Variants in WWOX observed in about 807,000 individuals in gnomAD.
WWOX encodes the protein WW domain-containing oxidoreductase.
A neutral mutation model predicts 46.2 loss-of-function variants in WWOX; 69 were observed. The ratio of observed to expected loss-of-function variants is 1.49; its 90% confidence interval spans 1.23 to 1.82. The LOEUF (loss-of-function observed/expected upper bound fraction) is 1.82, where lower values mean the gene tolerates loss of function less well. WWOX is among the 40% of genes most tolerant of loss of function. WWOX has a pLI of 0.00. For missense variants in WWOX, 919 were observed against 542.6 expected (o/e 1.69, Z -6.89); for synonymous variants, 359 against 202.6 (o/e 1.77, Z -6.56).
At chr16:78,461,370 C>A (rs1439079149) in intron 8 of WWOX, among the ~76,000 whole-genome samples, 1 of 148,788 alleles carries the variant, frequency 6.7e-6, no homozygotes, top group Admixed American at 6.6e-5. Context: ...GGAGAAAAAA[C>A]AAACAAACAA....
At chr16:78,858,277 G>C (rs1381413813) in intron 8 of WWOX, among the ~76,000 whole-genome samples, 4 of 149,652 alleles carry the variant, frequency 2.7e-5, no homozygotes, top group African/African-American at 9.9e-5. Context: ...TCAGATTTCA[G>C]TGTACCCATC....
At chr16:78,291,204 A>G (rs1355327183) in intron 5 of WWOX, among the ~76,000 whole-genome samples, 1 of 152,202 alleles carries the variant, frequency 6.6e-6, no homozygotes, top group Non-Finnish European at 1.5e-5. Flanking sequence ...TTGAAGAAAT[A>G]TTCATAAAAT....
chr16:78,634,835 AGAGTGTGTGT>A (rs767162501), intron 8 of WWOX, among the ~76,000 whole-genome samples: 19,239 of 126,792 alleles, frequency 0.15, 1,216 homozygotes, highest in Middle Eastern at 0.17. Flanking sequence ...AGAGAGAGAG[AGAGTGTGTGT>A]GTGTGTGTGT....
At chr16:78,571,577 C>G (rs553144596) in intron 8 of WWOX, among the ~76,000 whole-genome samples, 12 of 152,124 alleles carry the variant, frequency 7.9e-5, no homozygotes, top group African/African-American at 2.9e-4. Context: ...CAGTTAGAGG[C>G]GTTGCAGTTG....
chr16:78,888,052 C>G (rs562162509), intron 8 of WWOX, among the ~76,000 whole-genome samples: 19 of 152,352 alleles, frequency 1.2e-4, no homozygotes, highest in African/African-American at 4.6e-4. Context: ...GGCGATCCTT[C>G]AAGCTGTCAG....
At chr16:79,099,930 T>C (rs914115995) in intron 8 of WWOX, among the ~76,000 whole-genome samples, 4 of 152,158 alleles carry the variant, frequency 2.6e-5, no homozygotes, top group African/African-American at 9.7e-5. Flanking sequence ...ATCCATACAG[T>C]GGGCAGTCGA....
At chr16:78,784,972 G>T (rs1214793924) in intron 8 of WWOX, among the ~76,000 whole-genome samples, 9 of 152,126 alleles carry the variant, frequency 5.9e-5, no homozygotes, top group African/African-American at 2.2e-4. Flanking sequence ...AAGGTCCCGT[G>T]GGCAGGAGCA....
chr16:78,672,625 C>G (rs761472220), intron 8 of WWOX, among the ~76,000 whole-genome samples: 1 of 152,194 alleles, frequency 6.6e-6, no homozygotes, highest in Non-Finnish European at 1.5e-5. Context: ...AGAACCAGAT[C>G]TTACCATTTG....
At chr16:79,141,445 T>C (rs2050087189) in intron 8 of WWOX, among the ~76,000 whole-genome samples, 1 of 152,168 alleles carries the variant, frequency 6.6e-6, no homozygotes, top group Non-Finnish European at 1.5e-5. Flanking sequence ...CTTTCTAAAT[T>C]AGCTGAGACC....
chr16:78,925,648 C>G (rs1234299761), intron 8 of WWOX, among the ~76,000 whole-genome samples: 2 of 152,194 alleles, frequency 1.3e-5, no homozygotes, highest in African/African-American at 2.4e-5. Flanking sequence ...GAACTCTTTT[C>G]CTCAATGAGA....
intron 8 of WWOX, among the ~76,000 whole-genome samples, chr16:78,481,032 A>G (rs2084473333): frequency 6.6e-6 from 1 of 152,262 alleles, no homozygotes; most frequent in Non-Finnish European, 1.5e-5. Context: ...AAACACAATC[A>G]CAGTTTGATC....
chr16:78,422,710 T>TACACAC (rs1245741444), intron 6 of WWOX, among the ~76,000 whole-genome samples: 1 of 83,902 alleles, frequency 1.2e-5, no homozygotes, highest in Non-Finnish European at 2.6e-5. Context: ...CATATATATA[T>TACACAC]ACACACACAC....
chr16:78,793,318 C>G (rs1295699532), intron 8 of WWOX, among the ~76,000 whole-genome samples: 1 of 152,204 alleles, frequency 6.6e-6, no homozygotes, highest in African/African-American at 2.4e-5. Flanking sequence ...GCCTCAGCCT[C>G]CCAGAGTGCT....
intron 8 of WWOX, among the ~76,000 whole-genome samples, chr16:78,720,865 A>T (rs1597490293): frequency 6.6e-6 from 1 of 152,240 alleles, no homozygotes; most frequent in Admixed American, 6.5e-5. Context: ...AGCTACAAAG[A>T]TGGATTAAAA....
chr16:78,307,036 A>C (rs1255167608), intron 5 of WWOX, among the ~76,000 whole-genome samples: 1 of 152,222 alleles, frequency 6.6e-6, no homozygotes, highest in Non-Finnish European at 1.5e-5. Context: ...TTTGTTAGAT[A>C]ATAGTTAGCA....
Position 78,816,502 on chromosome 16 carries a change from C to CTTTTTTTTT in WWOX, c.1056+383772_1056+383780dup, listed in dbSNP as rs55814418. The stretch of plus-strand genomic sequence containing the variant: ...ATCTACCAGACAAGAAGGAGCCACT[C>CTTTTTTTTT]TTTTTTTTTTTTTTTTTTTTTTTTT... On this transcript the variant is annotated intron_variant, in intron 8 of 8. Transcript: ENST00000566780. Among the ~76,000 whole-genome samples the CTTTTTTTTT allele has an allele frequency of 2.3e-3, 98 of 42,100 alleles. 9 individuals are homozygous for CTTTTTTTTT. Among genetic ancestry groups the CTTTTTTTTT allele is most frequent in the Admixed American group, 3.5e-3 (8 of 2,298 alleles). 27.6% of individuals were successfully genotyped at this position (42,100 alleles called of 152,430 possible). A position where few individuals can be genotyped will look rare whatever the true frequency, so the allele number is the denominator to read the frequency against.
intron 5 of WWOX, among the ~76,000 whole-genome samples, chr16:78,322,769 C>A (rs1003797515): frequency 6.6e-6 from 1 of 152,192 alleles, no homozygotes; most frequent in African/African-American, 2.4e-5. Context: ...CAGTCTTTTG[C>A]AACTGTTCCA....
intron 8 of WWOX, among the ~76,000 whole-genome samples, chr16:79,095,460 G>A (rs2049049032): frequency 1.3e-5 from 2 of 152,186 alleles, no homozygotes; most frequent in African/African-American, 2.4e-5. Flanking sequence ...AGCAGAAGAG[G>A]TGGGGGCAGC....
At chr16:78,175,405 A>G (rs762032579) in intron 5 of WWOX, among the ~76,000 whole-genome samples, 2 of 152,226 alleles carry the variant, frequency 1.3e-5, no homozygotes, top group African/African-American at 4.8e-5. Context: ...CTCTCTTGGA[A>G]TATGGGCTGT....
Sources: gnomAD v4.1 joint callset for allele counts (sites outside exome capture counted in the v4.1 genomes callset) on GRCh38, gnomAD v4.1.1 for gene constraint, MANE v1.5 for transcripts, NCBI Gene and HGNC (gene_info 2026-07-23, HGNC 2026-07-21) for gene names.